RBMS1: variants seen among roughly 807,000 people sequenced by gnomAD.
RBMS1 encodes the protein RNA binding motif single stranded interacting protein 1, also known as RNA-binding motif, single-stranded-interacting protein 1.
A neutral mutation model predicts 62.3 loss-of-function variants in RBMS1; 17 were observed. The ratio of observed to expected loss-of-function variants is 0.27; its 90% CI spans 0.19 to 0.41. RBMS1 has a LOEUF of 0.41. Ranked by LOEUF, RBMS1 falls within the 10% of genes least tolerant of loss-of-function variation. The probability of loss-of-function intolerance (pLI) is 1.00; values close to 1 mark genes in which losing one functional copy is unlikely to be tolerated. For missense variants in RBMS1, 334 were observed against 504.5 expected, an observed-to-expected ratio of 0.66 and a Z score of 3.24; for synonymous variants, 172 against 170.0, an observed-to-expected ratio of 1.01 and a Z score of -0.09.
At chr2:160,293,645 A>C (rs1688788948) in intron 6 of RBMS1, among the ~76,000 whole-genome samples, 3 of 152,166 alleles carry the variant, frequency 2.0e-5, no homozygotes, top group Admixed American at 6.5e-5. Context: ...GCAGCACTGA[A>C]CACACAGTTA....
At chr2:160,340,341 T>C (rs980481565) in intron 2 of RBMS1, among the ~76,000 whole-genome samples, 1 of 152,280 alleles carries the variant, frequency 6.6e-6, no homozygotes, top group Middle Eastern at 3.4e-3. Context: ...TATCTTCTTA[T>C]GGCAGATATG....
Position 160,433,922 on chromosome 2 carries a change from G to A in RBMS1, c.75+59367C>T, listed in dbSNP as rs376811752. ...CTGAACTGCGCTTCCTCTTAAGTAT[G>A]GCATTGTGCAATCCTCGTTTACTTT... On this transcript the variant is annotated intron_variant, in intron 1 of 13. Coordinates refer to ENST00000348849, the MANE Select transcript of RBMS1 (RefSeq NM_016836.4). Among the ~76,000 whole-genome samples the A allele has an allele frequency of 4.6e-5, 7 of 152,280 alleles. No individual in the cohort carries two copies. The East Asian group carries it at 5.8e-4, about 13-fold the overall frequency.
At chr2:160,288,812 G>C (rs1013829851) in intron 6 of RBMS1, among the ~76,000 whole-genome samples, 3 of 152,290 alleles carry the variant, frequency 2.0e-5, no homozygotes, top group Admixed American at 2.0e-4. Flanking sequence ...CTAGGTCCTA[G>C]ACTGAAATTT....
intron 2 of RBMS1, among the ~76,000 whole-genome samples, chr2:160,344,175 A>ACC (rs969441393): frequency 4.6e-5 from 7 of 152,148 alleles, no homozygotes; most frequent in Non-Finnish European, 8.8e-5. Context: ...CGGTAAAACA[A>ACC]CCCACTTCTG....
intron 1 of RBMS1, among the ~76,000 whole-genome samples, chr2:160,480,643 T>C (rs753103451): frequency 6.6e-6 from 1 of 152,222 alleles, no homozygotes; most frequent in Non-Finnish European, 1.5e-5. Context: ...AATTGATGTA[T>C]AGATTTAGTA....
At chr2:160,344,224 C>T (rs780519114) in intron 2 of RBMS1, among the ~76,000 whole-genome samples, 1 of 152,098 alleles carries the variant, frequency 6.6e-6, no homozygotes, top group African/African-American at 2.4e-5. Flanking sequence ...ACATAGTCCT[C>T]GCAATAGCCA....
intron 2 of RBMS1, among the ~76,000 whole-genome samples, chr2:160,327,041 G>A (rs945520402): frequency 1.3e-5 from 2 of 152,224 alleles, no homozygotes; most frequent in African/African-American, 2.4e-5. Context: ...CAATCCTCAT[G>A]TGGTCTAACT....
intron 2 of RBMS1, among the ~76,000 whole-genome samples, chr2:160,319,866 C>T (rs80170940): frequency 0.096 from 14,676 of 152,180 alleles, 968 homozygotes; most frequent in East Asian, 0.26. Context: ...TCTGTGTAAT[C>T]ATGTAATCAA....
intron 1 of RBMS1, among the ~76,000 whole-genome samples, chr2:160,395,904 C>T (rs958966430): frequency 6.6e-5 from 10 of 152,134 alleles, no homozygotes; most frequent in African/African-American, 2.4e-4. Context: ...TTGACCCTTC[C>T]TCCAAAATCC....
At position 160,438,275 on chromosome 2, in the gene RBMS1, TTTTA is replaced by T. The variant is rs1322153433; in HGVS notation, c.75+55010_75+55013del. Among the ~76,000 whole-genome samples, 118 of 151,708 alleles carry T rather than the reference TTTTA, an allele frequency of 7.8e-4. No homozygotes were observed. In the East Asian group the frequency reaches 0.02, roughly 25 times the overall value. On this transcript the variant is annotated intron_variant, in intron 1 of 13. Transcript: ENST00000348849. ...CTCAATACTTTCTTTTTTTTTTTTT[TTTTA>T]TTGATCATTCTTGGGTGTTTCTCGC...
intron 1 of RBMS1, among the ~76,000 whole-genome samples, chr2:160,466,918 G>C (rs1411310509): frequency 1.3e-5 from 2 of 152,080 alleles, no homozygotes; most frequent in Non-Finnish European, 2.9e-5. Context: ...TATGTAAAAT[G>C]GGATGATAAT....
intron 1 of RBMS1, among the ~76,000 whole-genome samples, chr2:160,449,212 C>T (rs1683844696): frequency 2.0e-5 from 3 of 150,346 alleles, no homozygotes; most frequent in African/African-American, 7.4e-5. Flanking sequence ...TGGGGGGCAG[C>T]CCCCGCCAGG....
At chr2:160,438,114 CCTTTTT>C (rs1201738351) in intron 1 of RBMS1, among the ~76,000 whole-genome samples, 1 of 152,184 alleles carries the variant, frequency 6.6e-6, no homozygotes, top group African/African-American at 2.4e-5. Context: ...CTTCTCAAGT[CCTTTTT>C]CTTTTCAGTA....
intron 6 of RBMS1, among the ~76,000 whole-genome samples, chr2:160,292,148 T>C (rs919107838): frequency 3.9e-5 from 6 of 152,212 alleles, no homozygotes; most frequent in Non-Finnish European, 7.3e-5. Flanking sequence ...GGGTGTACTG[T>C]ATGGTGGTAT....
chr2:160,338,375 T>C (rs1391792616), intron 2 of RBMS1, among the ~76,000 whole-genome samples: 1 of 152,148 alleles, frequency 6.6e-6, no homozygotes, highest in Non-Finnish European at 1.5e-5. Context: ...AAGTTGGAGT[T>C]TGTTGATTGC....
At chr2:160,282,054 G>A (rs963491017) in intron 9 of RBMS1, 6 of 362,514 alleles carry the variant, frequency 1.7e-5, no homozygotes, top group Non-Finnish European at 2.7e-5. Flanking sequence ...GAAAGCATGT[G>A]TAGTCTGCCA....
intron 1 of RBMS1, among the ~76,000 whole-genome samples, chr2:160,375,565 CGTGTAATCA>C (rs2105176588): frequency 6.6e-6 from 1 of 152,234 alleles, no homozygotes; most frequent in East Asian, 1.9e-4. Context: ...TGTGTTTCAA[CGTGTAATCA>C]GTATAAAGAG....
chr2:160,493,179 C>G (rs1685926111), intron 1 of RBMS1, 110 bp downstream of exon 1: 1 of 1,097,326 alleles, frequency 9.1e-7, no homozygotes, highest in Admixed American at 2.2e-5. Flanking sequence ...TCCAGCAACT[C>G]CGCCCGGCGG....
chr2:160,311,210 A>ATCTCTCTCTCTCTCTC (rs1361792296), intron 4 of RBMS1, among the ~76,000 whole-genome samples: 1,001 of 56,106 alleles, frequency 0.018, 8 homozygotes, highest in Non-Finnish European at 0.026. Flanking sequence ...AAAAAAAAAA[A>ATCTCTCTCTCTCTCTC]TCTATCTATC....
Sources: gnomAD v4.1 joint callset for allele counts (sites outside exome capture counted in the v4.1 genomes callset) on GRCh38, gnomAD v4.1.1 for gene constraint, MANE v1.5 for transcripts, NCBI Gene and HGNC (gene_info 2026-07-23, HGNC 2026-07-21) for gene names.